RUVBL1: variants seen among roughly 807,000 people sequenced by gnomAD.
RUVBL1 encodes RuvB like AAA ATPase 1.
Under a neutral mutation model 52.4 loss-of-function variants are expected in RUVBL1, and 4 were observed. The observed-to-expected ratio is 0.08, with a 90% CI of 0.04 to 0.17. The LOEUF (loss-of-function observed/expected upper bound fraction) is 0.17, where lower values mean the gene tolerates loss of function less well. Ranked by LOEUF, RUVBL1 falls within the 10% of genes least tolerant of loss-of-function variation. RUVBL1 has a pLI of 1.00. For missense variants in RUVBL1, 298 were observed against 572.8 expected (o/e 0.52, Z 4.90); for synonymous variants, 217 against 214.4 (o/e 1.01, Z -0.10).
At chr3:128,151,200 TA>T (rs1236417358) in intron 1 of RUVBL1, among the ~76,000 whole-genome samples, 1 of 134,976 alleles carries the variant, frequency 7.4e-6, no homozygotes, top group African/African-American at 2.8e-5. Context: ...ATACTCTATA[TA>T]TTCTATATAT....
chr3:128,114,325 T>G (rs1465281427), intron 2 of RUVBL1, among the ~76,000 whole-genome samples: 1 of 152,222 alleles, frequency 6.6e-6, no homozygotes, highest in Non-Finnish European at 1.5e-5. Context: ...AGATTTTCTT[T>G]TCTATGCCCT....
chr3:128,143,534 G>A (rs1944062249), intron 1 of RUVBL1, among the ~76,000 whole-genome samples: 1 of 152,166 alleles, frequency 6.6e-6, no homozygotes, highest in Non-Finnish European at 1.5e-5. Context: ...ATATTCACTG[G>A]CTCCGGGATG....
intron 1 of RUVBL1, among the ~76,000 whole-genome samples, chr3:128,123,243 G>A (rs1221711765): frequency 6.6e-6 from 1 of 152,130 alleles, no homozygotes; most frequent in Non-Finnish European, 1.5e-5. Context: ...ACACTAAAAT[G>A]TAAGCTCCTA....
intron 1 of RUVBL1, chr3:128,141,846 G>C (rs1050858854): frequency 6.6e-6 from 1 of 152,236 alleles, no homozygotes; most frequent in African/African-American, 2.4e-5. Flanking sequence ...CTTAGCAGTA[G>C]ATTTTGTCAT....
intron 8 of RUVBL1, 88 bp downstream of exon 8, chr3:128,097,212 A>G (rs2107686631): frequency 1.5e-6 from 2 of 1,301,808 alleles, no homozygotes; most frequent in Non-Finnish European, 2.2e-6. Flanking sequence ...TCCCTGTCCC[A>G]CCTCATGGGG....
chr3:128,100,520 G>A, intron 6 of RUVBL1, 75 bp downstream of exon 6: 1 of 1,501,826 alleles, frequency 6.7e-7, no homozygotes, highest in Non-Finnish European at 8.9e-7. Flanking sequence ...GCAAGACTCT[G>A]ACAATTCATT....
At chr3:128,065,552 T>C (rs1458883759) in intron 9 of RUVBL1, among the ~76,000 whole-genome samples, 2 of 152,150 alleles carry the variant, frequency 1.3e-5, no homozygotes, top group Non-Finnish European at 2.9e-5. Context: ...GTCCACTTTG[T>C]ATTTTGGTGT....
chr3:128,143,861 A>G (rs2107736150), intron 1 of RUVBL1, among the ~76,000 whole-genome samples: 1 of 152,226 alleles, frequency 6.6e-6, no homozygotes, highest in South Asian at 2.1e-4. Context: ...AGAACTTTCC[A>G]AGGATAATTG....
chr3:128,073,433 G>C (rs943880995), intron 9 of RUVBL1, among the ~76,000 whole-genome samples: 1 of 152,206 alleles, frequency 6.6e-6, no homozygotes, highest in Non-Finnish European at 1.5e-5. Context: ...CATTTCTGAG[G>C]GGTCTGAGCC....
intron 1 of RUVBL1, among the ~76,000 whole-genome samples, chr3:128,152,893 C>CCCGCCCCCCCCGCCCCCCATCCT (rs1944252016): frequency 3.4e-5 from 1 of 29,768 alleles, no homozygotes; most frequent in African/African-American, 1.4e-4. Context: ...CCCCCTCCCC[C>CCCGCCCCCCCCGCCCCCCATCCT]ACGTCCCCCC....
At chr3:128,077,744 C>A (rs775161622), downstream of RUVBL1, among the ~76,000 whole-genome samples, 5 of 152,224 alleles carry the variant, frequency 3.3e-5, no homozygotes, top group Non-Finnish European at 7.3e-5. Context: ...TTTCCAAACA[C>A]AGGGGGATCC....
At chr3:128,148,494 G>A (rs1458601482) in intron 1 of RUVBL1, among the ~76,000 whole-genome samples, 2 of 152,176 alleles carry the variant, frequency 1.3e-5, no homozygotes, top group Non-Finnish European at 1.5e-5. Context: ...GTAAGTTTGA[G>A]ATGCCTATTA....
chr3:128,110,705 G>T (rs903814735), intron 3 of RUVBL1, among the ~76,000 whole-genome samples: 2 of 152,054 alleles, frequency 1.3e-5, no homozygotes, highest in Non-Finnish European at 2.9e-5. Flanking sequence ...AATGCTTATG[G>T]GGACCTGGTC....
upstream of RUVBL1, chr3:128,123,956 G>C (rs1943723579): frequency 8.2e-7 from 1 of 1,224,940 alleles, no homozygotes; most frequent in Non-Finnish European, 1.0e-6. Context: ...CTCCGGGTTG[G>C]CTTCCCCCGT....
chr3:128,108,926 A>T (rs1943310132), intron 3 of RUVBL1, among the ~76,000 whole-genome samples: 1 of 152,354 alleles, frequency 6.6e-6, no homozygotes, highest in Middle Eastern at 3.4e-3. Flanking sequence ...AACCTTACAG[A>T]TATAGACGCT....
intron 9 of RUVBL1, among the ~76,000 whole-genome samples, chr3:128,086,288 T>C (rs1942643091): frequency 6.6e-6 from 1 of 152,226 alleles, no homozygotes; most frequent in Non-Finnish European, 1.5e-5. Context: ...TGAGTCACCA[T>C]GCCTGGGCAA....
upstream of RUVBL1, chr3:128,124,010 AC>A: frequency 6.1e-6 from 4 of 655,346 alleles, no homozygotes; most frequent in Non-Finnish European, 5.7e-6. Flanking sequence ...GCACAGTGGG[AC>A]CACGCCCCGG....
intron 4 of RUVBL1, among the ~76,000 whole-genome samples, chr3:128,103,885 A>G (rs1180985805): frequency 6.6e-6 from 1 of 152,238 alleles, no homozygotes; most frequent in Non-Finnish European, 1.5e-5. Flanking sequence ...AGCTATAATG[A>G]TAATATTTAT....
intron 8 of RUVBL1, among the ~76,000 whole-genome samples, chr3:128,096,560 T>C (rs1576453504): frequency 6.6e-6 from 1 of 152,106 alleles, no homozygotes; most frequent in African/African-American, 2.4e-5. Flanking sequence ...GGCGTGGTGG[T>C]TCATGCCTGT....
Sources: allele counts gnomAD v4.1 joint callset (sites outside exome capture counted in the v4.1 genomes callset), GRCh38; gene constraint gnomAD v4.1.1; transcripts MANE v1.5; gene names NCBI Gene and HGNC (gene_info 2026-07-23, HGNC 2026-07-21).